USH2A: variants seen among roughly 807,000 people sequenced by gnomAD.
USH2A encodes usherin.
In USH2A, 443 loss-of-function variants were observed where a neutral mutation model predicts 538.9. The observed-to-expected ratio is 0.82, with a 90% confidence interval of 0.76 to 0.89. The LOEUF (loss-of-function observed/expected upper bound fraction) is 0.89, where lower values mean the gene tolerates loss of function less well. Ranked by LOEUF, USH2A falls within the 40% of genes least tolerant of loss-of-function variation. The probability of loss-of-function intolerance (pLI) is 0.00; values close to 1 mark genes in which losing one functional copy is unlikely to be tolerated. For synonymous variants in USH2A, 2,413 were observed against 2,273.5 expected (o/e 1.06, Z -1.75); for missense variants, 6,633 against 6,324.8 (o/e 1.05, Z -1.65).
chr1:216,326,123 T>C (rs75689807), intron 5 of USH2A, among the ~76,000 whole-genome samples: 1,990 of 152,352 alleles, frequency 0.013, 20 homozygotes, highest in Non-Finnish European at 0.021. Context: ...GACTCATCAG[T>C]ACAGATCCTG....
At chr1:216,391,367 G>A (rs181402971) in intron 3 of USH2A, among the ~76,000 whole-genome samples, 90 of 152,196 alleles carry the variant, frequency 5.9e-4, no homozygotes, top group African/African-American at 2.1e-3. Flanking sequence ...AAATTGGTCA[G>A]TCAGTCATCA....
At chr1:216,320,155 G>T (rs971320027) in intron 9 of USH2A, among the ~76,000 whole-genome samples, 4 of 152,034 alleles carry the variant, frequency 2.6e-5, no homozygotes, top group Non-Finnish European at 4.4e-5. Context: ...GAGATGTTTG[G>T]GTTATGGAGG....
At chr1:216,185,878 A>T (rs924227643) in intron 20 of USH2A, among the ~76,000 whole-genome samples, 5 of 151,918 alleles carry the variant, frequency 3.3e-5, no homozygotes, top group Admixed American at 3.3e-4. Context: ...AGAATGATGG[A>T]TTTATAATTT....
chr1:216,060,416 C>T (rs1254150836), intron 30 of USH2A, among the ~76,000 whole-genome samples: 1 of 151,992 alleles, frequency 6.6e-6, no homozygotes, highest in East Asian at 1.9e-4. Flanking sequence ...AAATTAAGTC[C>T]ATTGTATGTA....
intron 4 of USH2A, among the ~76,000 whole-genome samples, chr1:216,354,981 G>A (rs2038356303): frequency 6.6e-6 from 1 of 151,930 alleles, no homozygotes; most frequent in Admixed American, 6.6e-5. Flanking sequence ...TAACATGAAA[G>A]ATAAAAATAA....
At position 215,782,815 on chromosome 1, in the gene USH2A, C is replaced by T. The variant is rs773278728; in HGVS notation, c.10508G>A (p.Ser3503Asn). ...GTCTATTTTGGTCCACGTAGGGGGA[C>T]TCACTCCTTGAGGCACATCTTCTTT... ...RTKEDVPQGV[S>N]PPTWTKIDNL... Residue 3503 changes from serine (S) to asparagine (N), a missense_variant, in exon 53 of 72, where the codon AGT becomes AAT. Coordinates refer to ENST00000307340, the MANE Select transcript of USH2A (RefSeq NM_206933.4). 8 of 1,613,974 alleles carry T rather than the reference C, an allele frequency of 5.0e-6. No homozygotes were observed. Among genetic ancestry groups the T allele is most frequent in the Non-Finnish European group, 6.8e-6 (8 of 1,179,910 alleles).
intron 38 of USH2A, among the ~76,000 whole-genome samples, chr1:215,917,169 C>T (rs1055069295): frequency 1.3e-4 from 19 of 151,996 alleles, no homozygotes; most frequent in African/African-American, 4.3e-4. Flanking sequence ...AAACCACCAA[C>T]CAAATTTTTT....
chr1:215,956,083 A>C (rs1367776497), intron 37 of USH2A, among the ~76,000 whole-genome samples: 1 of 152,164 alleles, frequency 6.6e-6, no homozygotes, highest in East Asian at 1.9e-4. Context: ...TCTAACATCA[A>C]TTCACAGCTG....
chr1:216,323,647 A>G lies in USH2A; in HGVS notation c.1377T>C (p.Pro459=). ...TGTATCCAGGACGATAATTTGGTCC[A>G]GGTGTCAGGATGCTAAATGTGACAT... ...RGNVTFSILT[P]GPNYRPGYNN... The change falls in exon 8 of 72, where the codon CCT becomes CCC. Residue 459 remains proline (P), a synonymous_variant. Transcript: ENST00000307340. 6.2e-7 allele frequency: 1 copy of G among 1,613,656 alleles called. No individual in the cohort carries two copies. Among genetic ancestry groups the G allele is most frequent in the Non-Finnish European group, 8.5e-7 (1 of 1,179,726 alleles).
chr1:215,956,014 G>C (rs1667056767), intron 37 of USH2A, among the ~76,000 whole-genome samples: 3 of 152,216 alleles, frequency 2.0e-5, no homozygotes, highest in Admixed American at 1.3e-4. Context: ...GAAGGACATT[G>C]GCCCCAGATG....
chr1:216,240,707 A>C (rs960650155), intron 13 of USH2A, among the ~76,000 whole-genome samples: 4 of 152,144 alleles, frequency 2.6e-5, no homozygotes, highest in Non-Finnish European at 5.9e-5. Context: ...TTCTCCTCAA[A>C]TTACTTCCCT....
intron 37 of USH2A, among the ~76,000 whole-genome samples, chr1:215,957,906 C>A (rs938800454): frequency 2.9e-4 from 44 of 152,152 alleles, no homozygotes; most frequent in African/African-American, 1.1e-3. Flanking sequence ...AATTCCCCCA[C>A]TGGCGGGTTT....
chr1:215,887,074 G>T (rs1665076425), intron 41 of USH2A, among the ~76,000 whole-genome samples: 1 of 152,108 alleles, frequency 6.6e-6, no homozygotes, highest in South Asian at 2.1e-4. Context: ...GGCCAGGATG[G>T]TCTCGATCTC....
rs1217314311 is a variant in USH2A, at chr1:215,891,417, A to C, written c.7595-2363T>G. Among the ~76,000 whole-genome samples, 4 of 152,236 alleles carry C rather than the reference A, an allele frequency of 2.6e-5. No homozygotes were observed. In the East Asian group the frequency reaches 7.7e-4, roughly 29 times the overall value. On this transcript the variant is annotated intron_variant, in intron 40 of 71. Coordinates refer to ENST00000307340, the MANE Select transcript of USH2A (RefSeq NM_206933.4). ...AAAACCTGACTCCTGGCACTCTTTC[A>C]ATTTAGTGCTTTAAAATGATAAGCC...
At chr1:216,236,787 C>T (rs2035828635) in intron 13 of USH2A, among the ~76,000 whole-genome samples, 1 of 152,072 alleles carries the variant, frequency 6.6e-6, no homozygotes, top group African/African-American at 2.4e-5. Context: ...GAAAATGTCA[C>T]CCTAAAACTA....
chr1:216,289,150 C>T, intron 11 of USH2A, 130 bp downstream of exon 11: 1 of 1,381,666 alleles, frequency 7.2e-7, no homozygotes, highest in Non-Finnish European at 1.0e-6. Context: ...ACAACCATCT[C>T]TTTGAAATGC....
chr1:216,041,738 T>C (rs868750684), intron 32 of USH2A, among the ~76,000 whole-genome samples: 19 of 152,170 alleles, frequency 1.2e-4, no homozygotes, highest in African/African-American at 3.9e-4. Flanking sequence ...TTTTTGCTCA[T>C]CAAGAATGTG....
At chr1:216,285,819 G>A (rs1308093133) in intron 11 of USH2A, among the ~76,000 whole-genome samples, 1 of 152,214 alleles carries the variant, frequency 6.6e-6, no homozygotes, top group Non-Finnish European at 1.5e-5. Context: ...AGATCATTTG[G>A]TAACTTTGAG....
rs777212791 is a variant in USH2A, at chr1:215,970,678, G to A, written c.6904C>T (p.His2302Tyr). The change falls in exon 36 of 72, where the codon CAT becomes TAT. Residue 2302 changes from histidine to tyrosine, a missense_variant. By Grantham distance (83) the His-to-Tyr change is moderately conservative (BLOSUM62 2). Coordinates refer to ENST00000307340, the MANE Select transcript of USH2A (RefSeq NM_206933.4). ...RAYGFAPWSL[H>Y]SFRVQACTAK... The stretch of plus-strand genomic sequence containing the variant: ...GTGCATGCTTGGACTCTGAAGGAAT[G>A]TAAACTCCAAGGAGCAAATCCGTAA... 3 of 1,613,700 alleles carry A rather than the reference G, an allele frequency of 1.9e-6. No homozygotes were observed. The highest frequency in any genetic ancestry group is 2.5e-6 in the Non-Finnish European group (3 of 1,179,742).
Sources: gnomAD v4.1 joint callset for allele counts (sites outside exome capture counted in the v4.1 genomes callset) on GRCh38, gnomAD v4.1.1 for gene constraint, MANE v1.5 for transcripts, NCBI Gene and HGNC (gene_info 2026-07-23, HGNC 2026-07-21) for gene names.